The following SMAP1 variants were observed in gnomAD, a reference collection of about 807,000 sequenced individuals.
The protein encoded by SMAP1 is stromal membrane-associated protein 1.
SMAP1 carries 24 observed loss-of-function variants against 58.5 expected under a neutral mutation model. The observed-to-expected ratio is 0.41, with a 90% confidence interval of 0.30 to 0.58. The LOEUF (loss-of-function observed/expected upper bound fraction) is 0.58, where lower values mean the gene tolerates loss of function less well. Ranked by LOEUF, SMAP1 falls within the 20% of genes least tolerant of loss-of-function variation. SMAP1 has a pLI of 0.29. For synonymous variants in SMAP1, 216 were observed against 196.6 expected, an observed-to-expected ratio of 1.10 and a Z score of -0.82; for missense variants, 563 against 566.3, an observed-to-expected ratio of 0.99 and a Z score of 0.06.
intron 4 of SMAP1, among the ~76,000 whole-genome samples, chr6:70,787,386 T>C (rs1167719623): frequency 6.6e-6 from 1 of 152,152 alleles, no homozygotes; most frequent in East Asian, 1.9e-4. Flanking sequence ...GACATAGGCA[T>C]GGGCAAGGAC....
chr6:70,857,981 G>A lies in SMAP1; in HGVS notation c.1021G>A (p.Gly341Ser), dbSNP rs1215368352. Residue 341 changes from glycine to serine, a missense_variant, in exon 10 of 11, where the codon GGC (glycine) becomes AGC (serine). This residue lies in a region of SMAP1 where 494 missense variants were observed against 473.8 expected (regional missense o/e 1.04). Coordinates refer to ENST00000370455, the MANE Select transcript of SMAP1 (RefSeq NM_001044305.3). Reference protein sequence around the residue: ...FTSQAPAAFQGFPSMGVPVPA... With the variant: ...FTSQAPAAFQSFPSMGVPVPA... ...CTCACAAGCACCAGCTGCATTTCAG[G>A]GCTTTCCATCGATGGGCGTGCCTGT... 1.9e-6 allele frequency: 3 copies of A among 1,613,990 alleles called. No individual in the cohort carries two copies. The highest frequency in any genetic ancestry group is 2.5e-6 in the Non-Finnish European group (3 of 1,180,016).
At chr6:70,757,704 G>A (rs1766557738) in intron 3 of SMAP1, among the ~76,000 whole-genome samples, 3 of 152,254 alleles carry the variant, frequency 2.0e-5, no homozygotes, top group Admixed American at 2.0e-4. Context: ...CAAAAAGTGG[G>A]CGAAGGACAT....
At chr6:70,736,023 A>T (rs933019087) in intron 2 of SMAP1, among the ~76,000 whole-genome samples, 1 of 151,986 alleles carries the variant, frequency 6.6e-6, no homozygotes, top group Non-Finnish European at 1.5e-5. Context: ...GTGTGTGTGT[A>T]TAATTCTGTA....
intron 3 of SMAP1, among the ~76,000 whole-genome samples, chr6:70,760,164 C>A (rs1041072404): frequency 6.6e-6 from 1 of 152,006 alleles, no homozygotes; most frequent in African/African-American, 2.4e-5. Context: ...TAATTTGGCA[C>A]TCTTGGCAGC....
At chr6:70,679,133 CCTGTCT>C (rs1766599963) in intron 1 of SMAP1, among the ~76,000 whole-genome samples, 1 of 151,654 alleles carries the variant, frequency 6.6e-6, no homozygotes, top group Non-Finnish European at 1.5e-5. Flanking sequence ...AAGCGATTCT[CCTGTCT>C]CAGCCTCTGG....
At chr6:70,734,404 C>G (rs1484485439) in intron 2 of SMAP1, 4 of 152,354 alleles carry the variant, frequency 2.6e-5, no homozygotes, top group Admixed American at 6.5e-5. Flanking sequence ...CCTTGGCCCC[C>G]CAAAGTGCTG....
intron 6 of SMAP1, among the ~76,000 whole-genome samples, chr6:70,819,356 A>G (rs1315768670): frequency 1.3e-5 from 2 of 151,114 alleles, no homozygotes; most frequent in Non-Finnish European, 2.9e-5. Flanking sequence ...CAGAGTAACT[A>G]TATGTTAGAA....
intron 2 of SMAP1, among the ~76,000 whole-genome samples, chr6:70,744,173 C>CTTTTTTT (rs11376216): frequency 6.9e-6 from 1 of 145,038 alleles, no homozygotes. Flanking sequence ...ACTCCTAATT[C>CTTTTTTT]TTTTTTTTTT....
intron 1 of SMAP1, among the ~76,000 whole-genome samples, chr6:70,673,146 C>A (rs1019203253): frequency 6.6e-6 from 1 of 152,244 alleles, no homozygotes; most frequent in Non-Finnish European, 1.5e-5. Context: ...CAGGTACTTA[C>A]CAAGTCATTG....
At position 70,667,944 on chromosome 6, in the gene SMAP1, CA is replaced by C. The variant is rs2128545170; in HGVS notation, c.-79del. On this transcript the variant is annotated 5_prime_UTR_variant, in exon 1 of 11. Transcript: ENST00000370455. Reference sequence around the variant, plus strand: ...AGTCCGCCCGCGGTCCCGGCGGCGCCAGGTGCGTTCACTCTGCCCGGCTCCA... The same window carrying C: ...AGTCCGCCCGCGGTCCCGGCGGCGCCGGTGCGTTCACTCTGCCCGGCTCCA... 3 of 1,275,632 alleles carry C rather than the reference CA, an allele frequency of 2.4e-6. No homozygotes were observed. Among genetic ancestry groups the C allele is most frequent in the Middle Eastern group, 2.6e-4 (1 of 3,896 alleles). 79.0% of individuals were successfully genotyped at this position (1,275,632 alleles called of 1,614,324 possible). A position where few individuals can be genotyped will look rare whatever the true frequency, so the allele number is the denominator to read the frequency against.
At chr6:70,794,196 A>G (rs1768497497) in intron 5 of SMAP1, among the ~76,000 whole-genome samples, 1 of 152,224 alleles carries the variant, frequency 6.6e-6, no homozygotes, top group Non-Finnish European at 1.5e-5. Context: ...TTCAAGAACG[A>G]CTATTTTAAA....
intron 6 of SMAP1, among the ~76,000 whole-genome samples, chr6:70,829,005 C>T (rs1390920374): frequency 6.6e-6 from 1 of 152,204 alleles, no homozygotes; most frequent in Admixed American, 6.5e-5. Context: ...GCGATCTTGC[C>T]ACTGCACTCT....
chr6:70,750,169 G>C (rs1055960693), intron 2 of SMAP1, among the ~76,000 whole-genome samples: 13 of 152,052 alleles, frequency 8.5e-5, no homozygotes, highest in African/African-American at 2.4e-4. Flanking sequence ...CAGTAAAGCT[G>C]TTATGTGCTG....
At chr6:70,797,187 A>G (rs1768641473) in intron 5 of SMAP1, among the ~76,000 whole-genome samples, 1 of 152,174 alleles carries the variant, frequency 6.6e-6, no homozygotes, top group Non-Finnish European at 1.5e-5. Context: ...TTGAACTAAG[A>G]TGTAAATTTT....
chr6:70,711,803 G>T (rs1271132627), intron 1 of SMAP1, among the ~76,000 whole-genome samples: 1 of 152,088 alleles, frequency 6.6e-6, no homozygotes, highest in Non-Finnish European at 1.5e-5. Context: ...GCTGGGACCC[G>T]CACCTGGCCT....
rs532551258 is a variant in SMAP1 at position 70,857,191 on chromosome 6, T to A, written c.961+161T>A. 2.4e-5 allele frequency: 15 copies of A among 622,550 alleles called. No individual in the cohort carries two copies. The African/African-American group carries it at 2.8e-4, about 12-fold the overall frequency. 38.6% of individuals were successfully genotyped at this position (622,550 alleles called of 1,614,324 possible). On this transcript the variant is annotated intron_variant, in intron 9 of 10. Coordinates refer to ENST00000370455, the MANE Select transcript of SMAP1 (RefSeq NM_001044305.3). ...AAGCCGAAATGAATGAGCATTAGAA[T>A]TAAAAAATTAAGAGGCATGTACAGG...
intron 3 of SMAP1, among the ~76,000 whole-genome samples, chr6:70,763,227 T>C (rs1414132227): frequency 6.6e-6 from 1 of 150,620 alleles, no homozygotes; most frequent in African/African-American, 2.4e-5. Flanking sequence ...TGTCACACTT[T>C]GGTAGTTCTT....
intron 3 of SMAP1, among the ~76,000 whole-genome samples, chr6:70,756,357 C>A (rs542550428): frequency 1.3e-5 from 2 of 151,980 alleles, no homozygotes; most frequent in Non-Finnish European, 2.9e-5. Context: ...TGGACAGAAA[C>A]CTTTTAAATT....
chr6:70,679,913 C>A (rs1173116492), intron 1 of SMAP1, among the ~76,000 whole-genome samples: 2 of 152,210 alleles, frequency 1.3e-5, no homozygotes, highest in East Asian at 1.9e-4. Context: ...ATGCAAGGGA[C>A]CTTCCAAAAT....
Sources: allele counts gnomAD v4.1 joint callset (sites outside exome capture counted in the v4.1 genomes callset), GRCh38; gene constraint gnomAD v4.1.1; regional missense constraint gnomAD v4.1.1; transcripts MANE v1.5; gene names NCBI Gene and HGNC (gene_info 2026-07-23, HGNC 2026-07-21).